The following CMAS variants were observed in gnomAD, a reference collection of about 807,000 sequenced individuals.
CMAS encodes the protein N-acylneuraminate cytidylyltransferase.
In CMAS, 21 loss-of-function variants were observed where a neutral mutation model predicts 53.4. The ratio of observed to expected loss-of-function variants is 0.39; its 90% CI spans 0.28 to 0.57. CMAS has a LOEUF of 0.57. CMAS is among the 20% of genes least tolerant of loss of function. CMAS has a pLI of 0.56. For synonymous variants in CMAS, 189 were observed against 195.2 expected (o/e 0.97, Z 0.27); for missense variants, 384 against 534.9 (o/e 0.72, Z 2.78).
intron 7 of CMAS, among the ~76,000 whole-genome samples, chr12:22,062,985 A>G (rs1950318731): frequency 6.6e-6 from 1 of 152,226 alleles, no homozygotes; most frequent in African/African-American, 2.4e-5. Flanking sequence ...CTATGCAACC[A>G]TTACAAACAG....
chr12:22,063,912 T>C (rs967084878), intron 7 of CMAS: 4 of 144,476 alleles, frequency 2.8e-5, no homozygotes, highest in African/African-American at 7.9e-5. Context: ...CTGTGAAACA[T>C]AGTGAGGCCC....
chr12:22,056,025 C>T (rs146694053), intron 3 of CMAS, among the ~76,000 whole-genome samples: 2,153 of 152,194 alleles, frequency 0.014, 38 homozygotes, highest in South Asian at 0.025. Flanking sequence ...TTCCTAACTC[C>T]ATATATAAGA....
intron 3 of CMAS, among the ~76,000 whole-genome samples, chr12:22,055,968 G>A (rs1009880827): frequency 1.3e-5 from 2 of 152,156 alleles, no homozygotes; most frequent in Non-Finnish European, 2.9e-5. Flanking sequence ...ATCCACCAAA[G>A]TGTTCTGAAG....
intron 4 of CMAS, among the ~76,000 whole-genome samples, chr12:22,059,692 T>C (rs1328756154): frequency 4.6e-5 from 7 of 152,200 alleles, no homozygotes; most frequent in Non-Finnish European, 8.8e-5. Context: ...AGCTGTTTAG[T>C]TAAATTTAAG....
In CMAS at chr12:22,062,277, T is replaced by A. The variant is rs753452823; in HGVS notation, c.961-4T>A. The A allele has an allele frequency of 7.4e-6, 11 of 1,492,226 alleles. No individual in the cohort carries two copies. Among genetic ancestry groups the A allele is most frequent in the Admixed American group, 7.3e-5 (3 of 41,096 alleles). 92.4% of individuals were successfully genotyped at this position (1,492,226 alleles called of 1,614,324 possible). A position where few individuals can be genotyped will look rare whatever the true frequency, so the allele number is the denominator to read the frequency against. ...CTCCAATCCTTTTTTTTTTTTTTTT[T>A]AAGGTGAGGCTAATCTCAGAAAGGG... is the stretch of plus-strand genomic sequence containing the variant. On this transcript the variant is annotated splice_polypyrimidine_tract_variant and splice_region_variant and intron_variant, in intron 6 of 7. Transcript: ENST00000229329.
intron 1 of CMAS, among the ~76,000 whole-genome samples, chr12:22,053,580 C>T (rs1373137018): frequency 1.3e-5 from 2 of 150,742 alleles, no homozygotes; most frequent in African/African-American, 2.4e-5. Flanking sequence ...GCATAAATCA[C>T]TATTAAAACA....
At chr12:22,064,034 T>C (rs1950327186) in intron 7 of CMAS, 1 of 152,194 alleles carries the variant, frequency 6.6e-6, no homozygotes, top group Admixed American at 6.5e-5. Flanking sequence ...AAGTAAAATT[T>C]AGTAAATAGA....
chr12:22,059,821 G>A (rs1418662103), intron 4 of CMAS, among the ~76,000 whole-genome samples: 1 of 151,708 alleles, frequency 6.6e-6, no homozygotes, highest in Non-Finnish European at 1.5e-5. Flanking sequence ...ATTAAAACAA[G>A]GTTTATGAAG....
At chr12:22,054,910 G>C (rs1003991664) in intron 1 of CMAS, among the ~76,000 whole-genome samples, 3 of 151,806 alleles carry the variant, frequency 2.0e-5, no homozygotes, top group African/African-American at 7.3e-5. Context: ...CCCAGTGTCT[G>C]TTGTTCCTTT....
At chr12:22,054,423 C>A in intron 1 of CMAS, among the ~76,000 whole-genome samples, 1 of 152,164 alleles carries the variant, frequency 6.6e-6, no homozygotes, top group East Asian at 1.9e-4. Context: ...TTCTTTTGAG[C>A]TAATGAAGTC....
At chr12:22,065,007 C>A in intron 7 of CMAS, 114 bp from the exon 8 acceptor site, 1 of 687,628 alleles carries the variant, frequency 1.5e-6, no homozygotes. Context: ...ATATGCAGTG[C>A]CCCTAGGTCT....
At chr12:22,061,825 G>T (rs1046113644) in intron 6 of CMAS, among the ~76,000 whole-genome samples, 1 of 152,044 alleles carries the variant, frequency 6.6e-6, no homozygotes, top group Non-Finnish European at 1.5e-5. Context: ...TGACATTTTT[G>T]ATTCAAAATA....
intron 4 of CMAS, among the ~76,000 whole-genome samples, chr12:22,060,185 A>G (rs728034): frequency 0.2 from 30,137 of 151,700 alleles, 3,619 homozygotes; most frequent in East Asian, 0.56. Flanking sequence ...GGATTTCCAC[A>G]AAATCCCTTG....
rs1950338272 is a variant in CMAS, at chr12:22,065,161, C to T, written c.1155C>T (p.Gly385=). ...ATGAAGAGTGCTTGAAGAGAGTGGG[C>T]CTAAGTGGCGCTCCTGCTGATGCCT... is the stretch of plus-strand genomic sequence containing the variant. The part of the protein sequence containing the change: ...VSDEECLKRV[G]LSGAPADACS... Residue 385 remains glycine (G), a synonymous_variant, in exon 8 of 8, where the codon GGC becomes GGT. Coordinates refer to ENST00000229329, the MANE Select transcript of CMAS (RefSeq NM_018686.6). The T allele has an allele frequency of 6.2e-7, 1 of 1,613,396 alleles. No homozygotes were observed. Among genetic ancestry groups the T allele is most frequent in the Non-Finnish European group, 8.5e-7 (1 of 1,179,656 alleles).
chr12:22,061,219 C>T (rs1950306765), intron 5 of CMAS, 62 bp from the exon 6 acceptor site: 2 of 1,132,052 alleles, frequency 1.8e-6, no homozygotes, highest in African/African-American at 3.1e-5. Flanking sequence ...TTGGTTTAGC[C>T]AGATGAGAGG....
In CMAS at chr12:22,055,439, C is replaced by A. The variant is rs1195887932; in HGVS notation, c.404-16C>A. On this transcript the variant is annotated splice_polypyrimidine_tract_variant and intron_variant, in intron 2 of 7. Coordinates refer to ENST00000229329, the MANE Select transcript of CMAS (RefSeq NM_018686.6). ...TTTTTTTTAAATATCCTTTTCATTT[C>A]TCTTGTCTTTTTAAGAGGTTGACAT... 1 of 1,563,896 alleles carries A rather than the reference C, an allele frequency of 6.4e-7. No individual in the cohort carries two copies. Among genetic ancestry groups the A allele is most frequent in the Admixed American group, 2.1e-5 (1 of 47,064 alleles).
intron 1 of CMAS, among the ~76,000 whole-genome samples, chr12:22,047,032 C>T (rs1408169098): frequency 1.3e-5 from 2 of 152,088 alleles, no homozygotes; most frequent in South Asian, 2.1e-4. Context: ...AGTTGAGTGT[C>T]GGGGTGTCAG....
At chr12:22,061,099 T>C (rs571938270) in intron 5 of CMAS, among the ~76,000 whole-genome samples, 173 bp downstream of exon 5, 12 of 152,192 alleles carry the variant, frequency 7.9e-5, no homozygotes, top group Non-Finnish European at 1.3e-4. Flanking sequence ...AAACATTATC[T>C]GGCTAGACCA....
At chr12:22,047,546 T>C (rs1241845160) in intron 1 of CMAS, among the ~76,000 whole-genome samples, 1 of 152,190 alleles carries the variant, frequency 6.6e-6, no homozygotes. Context: ...TAACCAGTCT[T>C]GTTCAAAAAC....
Sources: allele counts gnomAD v4.1 joint callset (sites outside exome capture counted in the v4.1 genomes callset), GRCh38; gene constraint gnomAD v4.1.1; transcripts MANE v1.5; gene names NCBI Gene and HGNC (gene_info 2026-07-23, HGNC 2026-07-21).